Variants in PTPRD observed in about 807,000 individuals in gnomAD.
PTPRD encodes protein tyrosine phosphatase receptor type D.
In PTPRD, 34 loss-of-function variants were observed where a neutral mutation model predicts 214.5. That is an observed-to-expected ratio of 0.16 (90% CI 0.12 to 0.21). PTPRD has a LOEUF of 0.21. Among genes scored for constraint, PTPRD ranks in the 10% least tolerant of loss-of-function variants. PTPRD has a pLI of 1.00. For missense variants in PTPRD, 2,545 were observed against 2,398.7 expected, an observed-to-expected ratio of 1.06 and a Z score of -1.27; for synonymous variants, 1,128 against 845.7, an observed-to-expected ratio of 1.33 and a Z score of -5.79.
chr9:8,711,325 A>G lies in PTPRD; in HGVS notation c.64+22455T>C, dbSNP rs544305879. Among the ~76,000 whole-genome samples the G allele has an allele frequency of 4.6e-5, 7 of 152,236 alleles. 1 individual carries two copies. In the South Asian group the frequency reaches 1.4e-3, roughly 32 times the overall value. ...TAATCAAATATATAATTATTAAAATATTCTTGAGGGATATAATTGGCATAT... is the reference window on the plus strand; with the variant it reads ...TAATCAAATATATAATTATTAAAATGTTCTTGAGGGATATAATTGGCATAT... On this transcript the variant is annotated intron_variant, in intron 12 of 45. Coordinates refer to ENST00000381196, the MANE Select transcript of PTPRD (RefSeq NM_002839.4).
chr9:9,030,230 C>T (rs1260134395), intron 10 of PTPRD, among the ~76,000 whole-genome samples: 1 of 138,942 alleles, frequency 7.2e-6, no homozygotes, highest in East Asian at 2.3e-4. Flanking sequence ...AGCAGATGTT[C>T]CATGATTTGT....
chr9:9,087,697 T>G (rs2099769207), intron 10 of PTPRD, among the ~76,000 whole-genome samples: 1 of 152,046 alleles, frequency 6.6e-6, no homozygotes, highest in Non-Finnish European at 1.5e-5. Context: ...AATAAGAAAG[T>G]CAAGGCTCAG....
At chr9:10,246,641 T>G (rs1381723357) in intron 3 of PTPRD, among the ~76,000 whole-genome samples, 2 of 152,094 alleles carry the variant, frequency 1.3e-5, no homozygotes, top group African/African-American at 2.4e-5. Context: ...ATGACGACAG[T>G]GATGAAGAAA....
At chr9:10,400,677 TA>T (rs1226377661) in intron 2 of PTPRD, among the ~76,000 whole-genome samples, 1 of 151,350 alleles carries the variant, frequency 6.6e-6, no homozygotes, top group Non-Finnish European at 1.5e-5. Context: ...ACTGAATTTC[TA>T]AAAAAAATAA....
chr9:9,607,608 T>C (rs2094248178), intron 7 of PTPRD, among the ~76,000 whole-genome samples: 1 of 152,140 alleles, frequency 6.6e-6, no homozygotes, highest in African/African-American at 2.4e-5. Flanking sequence ...CAATGTGAAT[T>C]TGAAACGCCT....
chr9:10,297,205 C>A (rs2095704743), intron 3 of PTPRD, among the ~76,000 whole-genome samples: 1 of 150,448 alleles, frequency 6.6e-6, no homozygotes, highest in Non-Finnish European at 1.5e-5. Flanking sequence ...TATACATGTG[C>A]CATGTTGTGT....
chr9:9,995,377 A>G (rs1165265425), intron 4 of PTPRD, among the ~76,000 whole-genome samples: 1 of 152,224 alleles, frequency 6.6e-6, no homozygotes, highest in Admixed American at 6.5e-5. Flanking sequence ...TATAAATTAC[A>G]AAGTTTATAG....
intron 10 of PTPRD, among the ~76,000 whole-genome samples, chr9:9,165,043 C>G (rs549160610): frequency 8.0e-6 from 1 of 125,118 alleles, no homozygotes; most frequent in Admixed American, 8.5e-5. Flanking sequence ...CAGAGCAAGA[C>G]TCCATCTCAA....
At chr9:10,432,156 AATC>A (rs1213782771) in intron 2 of PTPRD, among the ~76,000 whole-genome samples, 2 of 151,734 alleles carry the variant, frequency 1.3e-5, no homozygotes, top group South Asian at 2.1e-4. Context: ...TGAAATTGGA[AATC>A]ATCATTCTCA....
intron 9 of PTPRD, among the ~76,000 whole-genome samples, chr9:9,219,418 T>A (rs1330127560): frequency 6.6e-6 from 1 of 150,568 alleles, no homozygotes; most frequent in Non-Finnish European, 1.5e-5. Context: ...CTTATTAAAT[T>A]AAAAAAAAAA....
chr9:9,664,809 G>C (rs2096685504), intron 7 of PTPRD, among the ~76,000 whole-genome samples: 1 of 151,668 alleles, frequency 6.6e-6, no homozygotes, highest in Non-Finnish European at 1.5e-5. Flanking sequence ...GTATGTTAAT[G>C]AGAAAGCCTC....
chr9:8,829,417 A>G (rs1356611790), intron 11 of PTPRD, among the ~76,000 whole-genome samples: 1 of 152,206 alleles, frequency 6.6e-6, no homozygotes, highest in African/African-American at 2.4e-5. Context: ...TCTTTCACAC[A>G]ATATACTGTT....
In PTPRD at chr9:8,328,811, A is replaced by G. The variant is rs992736407; in HGVS notation, c.5534+2771T>C. The stretch of plus-strand genomic sequence containing the variant: ...TCTCGGACATCCGTTCTTCCACTTG[A>G]TTGATTTGGCTATTGATACTTGCGT... On this transcript the variant is annotated intron_variant, in intron 44 of 45. Coordinates refer to ENST00000381196, the MANE Select transcript of PTPRD (RefSeq NM_002839.4). Among the ~76,000 whole-genome samples, 7 of 152,026 alleles carry G rather than the reference A, an allele frequency of 4.6e-5. No individual in the cohort carries two copies. The South Asian group carries it at 6.3e-4, about 14-fold the overall frequency.
chr9:8,714,658 T>C (rs992791301), intron 12 of PTPRD, among the ~76,000 whole-genome samples: 1 of 152,152 alleles, frequency 6.6e-6, no homozygotes, highest in Non-Finnish European at 1.5e-5. Flanking sequence ...TGGCCTGGAA[T>C]ACTCCTCCCC....
intron 3 of PTPRD, among the ~76,000 whole-genome samples, chr9:10,177,304 G>C (rs145716020): frequency 6.6e-6 from 1 of 151,668 alleles, no homozygotes; most frequent in African/African-American, 2.4e-5. Context: ...ATAAATTGAA[G>C]ATGCCTAATA....
intron 2 of PTPRD, among the ~76,000 whole-genome samples, chr9:10,480,612 A>G (rs1452435833): frequency 6.6e-6 from 1 of 152,130 alleles, no homozygotes; most frequent in Non-Finnish European, 1.5e-5. Flanking sequence ...ATTATCTCAA[A>G]GAAGAGAATA....
chr9:9,018,723 ACC>A lies in PTPRD; in HGVS notation c.-132_-131del, dbSNP rs2099546765. Reference sequence around the variant, plus strand: ...TGTTCTTTAGATCCCACGGGTGTTCACCAGACGTCTCCCTAAACAAAGAAGAA... The same window carrying A: ...TGTTCTTTAGATCCCACGGGTGTTCAAGACGTCTCCCTAAACAAAGAAGAA... On this transcript the variant is annotated 5_prime_UTR_variant, in exon 11 of 46. Transcript: ENST00000381196. 2 of 152,174 alleles carry A rather than the reference ACC, an allele frequency of 1.3e-5. No homozygotes were observed. The highest frequency in any genetic ancestry group is 4.8e-5 in the African/African-American group (2 of 41,454). The allele number at this position is 152,174 out of a possible 1,614,324, so 9.4% of individuals were successfully genotyped here.
At chr9:9,275,181 ATGT>A (rs1403567221) in intron 9 of PTPRD, among the ~76,000 whole-genome samples, 2 of 22,380 alleles carry the variant, frequency 8.9e-5, no homozygotes, top group African/African-American at 3.6e-4. Context: ...TATAATATAT[ATGT>A]TATATATATA....
intron 8 of PTPRD, among the ~76,000 whole-genome samples, chr9:9,564,720 G>A (rs993460589): frequency 6.6e-6 from 1 of 151,876 alleles, no homozygotes; most frequent in African/African-American, 2.4e-5. Flanking sequence ...TGTAACTCAA[G>A]AAAACCCATC....
Sources: gnomAD v4.1 joint callset for allele counts (sites outside exome capture counted in the v4.1 genomes callset) on GRCh38, gnomAD v4.1.1 for gene constraint, MANE v1.5 for transcripts, NCBI Gene and HGNC (gene_info 2026-07-23, HGNC 2026-07-21) for gene names.